CCDC88A: variants seen among roughly 807,000 people sequenced by gnomAD.
CCDC88A encodes the protein coiled-coil and HOOK domain protein 88A, also known as girdin.
CCDC88A carries 54 observed loss-of-function variants against 234.3 expected under a neutral mutation model. The ratio of observed to expected loss-of-function variants is 0.23; its 90% CI spans 0.19 to 0.29. The LOEUF (loss-of-function observed/expected upper bound fraction) is 0.29. CCDC88A is among the 10% of genes least tolerant of loss of function. CCDC88A has a pLI of 1.00. For missense variants in CCDC88A, 1,832 were observed against 2,123.4 expected (o/e 0.86, Z 2.70); for synonymous variants, 753 against 737.8 (o/e 1.02, Z -0.33).
At chr2:55,349,860 T>C in intron 8 of CCDC88A, 2 of 279,628 alleles carry the variant, frequency 7.2e-6, no homozygotes, top group Non-Finnish European at 1.3e-5. Context: ...TTCTCTCTTT[T>C]CATCTTTCCT....
chr2:55,409,427 G>A (rs1680100972), intron 2 of CCDC88A, among the ~76,000 whole-genome samples: 1 of 152,094 alleles, frequency 6.6e-6, no homozygotes, highest in Admixed American at 6.5e-5. Context: ...TGCGAACACT[G>A]TCTCAAGAAC....
At chr2:55,352,046 A>G (rs1669957279) in intron 8 of CCDC88A, among the ~76,000 whole-genome samples, 1 of 152,200 alleles carries the variant, frequency 6.6e-6, no homozygotes, top group South Asian at 2.1e-4. Flanking sequence ...CAGAAAGCAG[A>G]CTAGTGATTG....
At chr2:55,357,004 T>C (rs956241278) in intron 7 of CCDC88A, among the ~76,000 whole-genome samples, 10 of 152,238 alleles carry the variant, frequency 6.6e-5, no homozygotes, top group African/African-American at 2.4e-4. Flanking sequence ...AGCCCAGAAA[T>C]ACAATCTTGG....
chr2:55,376,487 C>T (rs974253154), intron 3 of CCDC88A, among the ~76,000 whole-genome samples: 1 of 152,122 alleles, frequency 6.6e-6, no homozygotes, highest in Non-Finnish European at 1.5e-5. Context: ...TACCCATGGT[C>T]AGTGGGTGGC....
chr2:55,314,515 C>T (rs1193715243), intron 22 of CCDC88A: 2 of 152,594 alleles, frequency 1.3e-5, no homozygotes, highest in East Asian at 1.9e-4. Context: ...AGCGATTCTC[C>T]TGCCTCAGCC....
chr2:55,412,617 A>G (rs1436748710), intron 2 of CCDC88A, among the ~76,000 whole-genome samples: 1 of 152,196 alleles, frequency 6.6e-6, no homozygotes, highest in Non-Finnish European at 1.5e-5. Context: ...TCCTGAAACC[A>G]TCTCCCCTCA....
chr2:55,336,827 A>C lies in CCDC88A; in HGVS notation c.1519-9T>G. ...TTTTCAAGAATCTCAACCTAGAGAA[A>C]ATTAAATCACAAAACAATACGTTAA... On this transcript the variant is annotated splice_polypyrimidine_tract_variant and intron_variant, in intron 13 of 32. Coordinates refer to ENST00000436346, the MANE Select transcript of CCDC88A (RefSeq NM_001365480.1). The C allele has an allele frequency of 6.5e-7, 1 of 1,534,462 alleles. No homozygotes were observed. Among genetic ancestry groups the C allele is most frequent in the South Asian group, 1.2e-5 (1 of 83,642 alleles).
intron 2 of CCDC88A, chr2:55,417,727 G>C (rs941704394): frequency 3.3e-5 from 5 of 151,902 alleles, no homozygotes; most frequent in Non-Finnish European, 5.9e-5. Context: ...GTTAACACGA[G>C]AGCAATTTTT....
chr2:55,294,821 GT>G, intron 31 of CCDC88A: 1 of 1,035,406 alleles, frequency 9.7e-7, no homozygotes, highest in East Asian at 9.0e-5. Context: ...AGCATGTATG[GT>G]TAAGGTTTTT....
chr2:55,313,826 A>G (rs146891397), intron 22 of CCDC88A: 29 of 152,202 alleles, frequency 1.9e-4, no homozygotes, highest in African/African-American at 6.3e-4. Flanking sequence ...AACCATCTAG[A>G]TCTGTAACTG....
Position 55,334,786 on chromosome 2 carries a change from A to G in CCDC88A, c.2035T>C (p.Leu679=), listed in dbSNP as rs140181914. The part of the protein sequence containing the change: ...ERENRKLKKT[L]DSFKNLTFQL... The stretch of plus-strand genomic sequence containing the variant: ...AAGGTCAGATTTTTAAAGCTATCCA[A>G]TGTTTTTTTTAATTTTCTATTTTCT... The change falls in exon 15 of 33, where the codon TTG becomes CTG. Residue 679 remains leucine, a synonymous_variant. Coordinates refer to ENST00000436346, the MANE Select transcript of CCDC88A (RefSeq NM_001365480.1). This position sits in a 1 kb window ranked among gnomAD's most constrained non-coding sequence, Gnocchi z 6.1. 788 of 1,590,984 alleles carry G rather than the reference A, an allele frequency of 5.0e-4. 11 individuals carry two copies. In the East Asian group the frequency reaches 0.014, roughly 29 times the overall value.
Position 55,418,908 on chromosome 2 carries a change from C to T in CCDC88A, c.72G>A (p.Thr24=). The T allele has an allele frequency of 6.2e-7, 1 of 1,613,906 alleles. No individual in the cohort carries two copies. Among genetic ancestry groups the T allele is most frequent in the East Asian group, 2.2e-5 (1 of 44,882 alleles). The part of the protein sequence containing the change: ...MTSPLVTWVK[T]FGPLAAGNGT... Reference sequence around the variant, plus strand: ...CATTTCCTGCGGCCAGAGGTCCAAACGTTTTAACCTAGAACAAACAGAAGG... The same window carrying T: ...CATTTCCTGCGGCCAGAGGTCCAAATGTTTTAACCTAGAACAAACAGAAGG... Residue 24 remains threonine, a synonymous_variant, in exon 2 of 33, where the codon ACG becomes ACA. Transcript: ENST00000436346.
At chr2:55,316,227 GT>G in intron 21 of CCDC88A, 113 bp from the exon 22 acceptor site, 1 of 436,116 alleles carries the variant, frequency 2.3e-6, no homozygotes, top group African/African-American at 2.0e-5. Context: ...ATAAAAGACT[GT>G]TTTACAAGTT....
At position 55,290,502 on chromosome 2, in the gene CCDC88A, T is replaced by G. The variant is rs1679374029; in HGVS notation, c.*698A>C. ...TGGGTTAACTTATGAATGCTTAGTGTTGCTTAATGGGAAATATGGAAAGAT... is the reference window on the plus strand; with the variant it reads ...TGGGTTAACTTATGAATGCTTAGTGGTGCTTAATGGGAAATATGGAAAGAT... On this transcript the variant is annotated 3_prime_UTR_variant, in exon 33 of 33. Transcript: ENST00000436346. 1 of 152,116 alleles carries G rather than the reference T, an allele frequency of 6.6e-6. No individual in the cohort carries two copies. Among genetic ancestry groups the G allele is most frequent in the Non-Finnish European group, 1.5e-5 (1 of 67,956 alleles). 9.4% of individuals were successfully genotyped at this position (152,116 alleles called of 1,614,324 possible).
intron 19 of CCDC88A, 100 bp downstream of exon 19, chr2:55,318,743 T>G (rs950659452): frequency 4.3e-5 from 40 of 935,262 alleles, no homozygotes; most frequent in Non-Finnish European, 5.8e-5. Flanking sequence ...TATCTTTAAG[T>G]TCATTCACTA....
chr2:55,366,864 T>A (rs2104800471), intron 5 of CCDC88A, among the ~76,000 whole-genome samples: 1 of 152,220 alleles, frequency 6.6e-6, no homozygotes, highest in Non-Finnish European at 1.5e-5. Context: ...ATTATAGTGT[T>A]TTAAATAAGA....
At chr2:55,392,383 T>C (rs1467131477) in intron 2 of CCDC88A, among the ~76,000 whole-genome samples, 2 of 152,216 alleles carry the variant, frequency 1.3e-5, no homozygotes, top group African/African-American at 4.8e-5. Flanking sequence ...TATTAAGATT[T>C]TGACTGAAAT....
Position 55,328,503 on chromosome 2 carries a change from G to T in CCDC88A, c.2856-68C>A. 1 of 1,144,660 alleles carries T rather than the reference G, an allele frequency of 8.7e-7. No homozygotes were observed. Among genetic ancestry groups the T allele is most frequent in the Non-Finnish European group, 1.2e-6 (1 of 835,332 alleles). The allele number at this position is 1,144,660 out of a possible 1,614,324, so 70.9% of individuals were successfully genotyped here. On this transcript the variant is annotated intron_variant, in intron 16 of 32. Coordinates refer to ENST00000436346, the MANE Select transcript of CCDC88A (RefSeq NM_001365480.1). This position sits in a 1 kb window ranked among gnomAD's most constrained non-coding sequence, Gnocchi z 4.3. ...AAAATTATTTTTAAAGATAATTTATGACCACAAATATTCATGCCATAAATG... is the reference window on the plus strand; with the variant it reads ...AAAATTATTTTTAAAGATAATTTATTACCACAAATATTCATGCCATAAATG...
chr2:55,339,434 C>T, intron 13 of CCDC88A, 30 bp downstream of exon 13: 1 of 1,419,116 alleles, frequency 7.0e-7, no homozygotes, highest in Non-Finnish European at 9.6e-7. Flanking sequence ...GTTTTTTTAA[C>T]ATTAAAATAA....
Sources: allele counts gnomAD v4.1 joint callset (sites outside exome capture counted in the v4.1 genomes callset), GRCh38; gene constraint gnomAD v4.1.1; non-coding constraint Gnocchi (gnomAD v3.1); transcripts MANE v1.5; gene names NCBI Gene and HGNC (gene_info 2026-07-23, HGNC 2026-07-21).